ASH1L: variants seen among roughly 807,000 people sequenced by gnomAD.
The protein encoded by ASH1L is ASH1 like histone lysine methyltransferase.
Under a neutral mutation model 269.0 loss-of-function variants are expected in ASH1L, and 23 were observed. That is an observed-to-expected ratio of 0.09 (90% CI 0.06 to 0.12). The LOEUF (loss-of-function observed/expected upper bound fraction) is 0.12. ASH1L is among the 10% of genes least tolerant of loss of function. ASH1L has a pLI of 1.00. For missense variants in ASH1L, 2,912 were observed against 3,567.8 expected, an observed-to-expected ratio of 0.82 and a Z score of 4.68; for synonymous variants, 1,187 against 1,253.5, an observed-to-expected ratio of 0.95 and a Z score of 1.12.
intron 5 of ASH1L, among the ~76,000 whole-genome samples, chr1:155,437,998 G>A (rs1188954408): frequency 3.9e-5 from 6 of 152,054 alleles, no homozygotes; most frequent in African/African-American, 1.2e-4. Context: ...ACAGGAATGC[G>A]CTGCCACATC....
chr1:155,386,359 C>T (rs541561990), intron 7 of ASH1L, among the ~76,000 whole-genome samples: 4 of 151,722 alleles, frequency 2.6e-5, no homozygotes, highest in African/African-American at 4.8e-5. Flanking sequence ...TGAGCCACTG[C>T]GCCTGGCCAA....
chr1:155,359,154 G>A (rs1160708367), intron 13 of ASH1L, among the ~76,000 whole-genome samples: 1 of 152,098 alleles, frequency 6.6e-6, no homozygotes, highest in Non-Finnish European at 1.5e-5. Flanking sequence ...TAGAGAAGGG[G>A]TCCCGTTCTG....
At chr1:155,350,103 C>A (rs981780499) in intron 17 of ASH1L, among the ~76,000 whole-genome samples, 5 of 152,138 alleles carry the variant, frequency 3.3e-5, no homozygotes, top group East Asian at 3.9e-4. Flanking sequence ...GTTAGCCAGG[C>A]TGGTCTCGAT....
chr1:155,476,430 G>A (rs1665556184), intron 3 of ASH1L, among the ~76,000 whole-genome samples: 1 of 151,816 alleles, frequency 6.6e-6, no homozygotes, highest in Non-Finnish European at 1.5e-5. Context: ...TAAAAGCTAA[G>A]GAACACTCAG....
In ASH1L at chr1:155,357,296, T is replaced by C. The variant is rs1654505236; in HGVS notation, c.7055+20A>G. ...TCATGTAACTTACAAAGAACATGGATAAGGATATTTCCTTTTTACCTTTCA... is the reference window on the plus strand; with the variant it reads ...TCATGTAACTTACAAAGAACATGGACAAGGATATTTCCTTTTTACCTTTCA... On this transcript the variant is annotated intron_variant, in intron 15 of 27. Transcript: ENST00000392403. The C allele has an allele frequency of 6.3e-7, 1 of 1,580,576 alleles. No individual in the cohort carries two copies. Among genetic ancestry groups the C allele is most frequent in the East Asian group, 2.2e-5 (1 of 44,720 alleles).
chr1:155,487,358 G>A (rs1467489917), intron 2 of ASH1L, among the ~76,000 whole-genome samples: 1 of 151,952 alleles, frequency 6.6e-6, no homozygotes, highest in Non-Finnish European at 1.5e-5. Context: ...GGTTCTTACT[G>A]GGTGCTAGCA....
At chr1:155,377,043 G>A (rs1045791946) in intron 10 of ASH1L, among the ~76,000 whole-genome samples, 2 of 151,656 alleles carry the variant, frequency 1.3e-5, no homozygotes, top group African/African-American at 4.8e-5. Context: ...ACGTAGCTGG[G>A]ATTATAGGCA....
chr1:155,349,250 G>A (rs1017420254), intron 19 of ASH1L, 77 bp downstream of exon 19: 3 of 1,506,230 alleles, frequency 2.0e-6, no homozygotes, highest in Non-Finnish European at 2.7e-6. Context: ...GATAGAGGAG[G>A]GTAAAAATCT....
At chr1:155,531,435 C>T (rs1412239839) in intron 1 of ASH1L, among the ~76,000 whole-genome samples, 3 of 151,906 alleles carry the variant, frequency 2.0e-5, no homozygotes, top group Non-Finnish European at 4.4e-5. Context: ...CGGCTCACTG[C>T]AACCTCCGCC....
In ASH1L at chr1:155,435,270, A is replaced by T. The variant is rs376149209; in HGVS notation, c.5828+3057T>A. Reference sequence around the variant, plus strand: ...AAAGAAAATTAAACCTCTAACTCATAGCTAATATTCAGTATTACATAAGTG... The same window carrying T: ...AAAGAAAATTAAACCTCTAACTCATTGCTAATATTCAGTATTACATAAGTG... On this transcript the variant is annotated intron_variant, in intron 5 of 27. Transcript: ENST00000392403. Among the ~76,000 whole-genome samples, 18 of 152,344 alleles carry T rather than the reference A, an allele frequency of 1.2e-4. No individual in the cohort carries two copies. In the South Asian group the frequency reaches 2.1e-3, roughly 18 times the overall value.
intron 2 of ASH1L, among the ~76,000 whole-genome samples, chr1:155,510,258 A>G (rs1248352314): frequency 6.6e-6 from 1 of 151,874 alleles, no homozygotes; most frequent in East Asian, 1.9e-4. Flanking sequence ...TACTAAAAAT[A>G]CAAAAATTAC....
Position 155,521,556 on chromosome 1 carries a change from A to C in ASH1L, c.-37T>G. The C allele has an allele frequency of 6.4e-7, 1 of 1,555,080 alleles. No homozygotes were observed. Among genetic ancestry groups the C allele is most frequent in the Non-Finnish European group, 8.7e-7 (1 of 1,152,128 alleles). ...GTTATTGCCAAGGAATCTTATGAAA[A>C]TTTTACAGAACTGTGTTCCATAAAA... On this transcript the variant is annotated 5_prime_UTR_variant, in exon 2 of 28. Coordinates refer to ENST00000392403, the MANE Select transcript of ASH1L (RefSeq NM_018489.3).
intron 2 of ASH1L, among the ~76,000 whole-genome samples, chr1:155,518,777 C>T (rs1313224950): frequency 3.0e-5 from 4 of 133,554 alleles, no homozygotes; most frequent in Non-Finnish European, 6.1e-5. Context: ...GAGGCAGAGA[C>T]AGGGAGCAGG....
At chr1:155,425,327 G>C (rs567533114) in intron 5 of ASH1L, among the ~76,000 whole-genome samples, 5 of 150,258 alleles carry the variant, frequency 3.3e-5, no homozygotes, top group African/African-American at 1.2e-4. Flanking sequence ...GCCCAGGCTG[G>C]AGTGCAGTGG....
In ASH1L at chr1:155,481,226, A is replaced by G. The variant is rs769083883; in HGVS notation, c.1644T>C (p.Ser548=). ...AAGGGAGATTGCTTTCTCCTACTGC[A>G]CTGAATGGGGATTTAGCGGTAGATA... ...SDVSTAKSPF[S]AVGESNLPSP... Residue 548 remains serine, a synonymous_variant, in exon 3 of 28, where the codon AGT becomes AGC. Transcript: ENST00000392403. 1.2e-6 allele frequency: 2 copies of G among 1,614,098 alleles called. No homozygotes were observed. Among genetic ancestry groups the G allele is most frequent in the South Asian group, 2.2e-5 (2 of 91,074 alleles).
At chr1:155,422,951 CTTTT>C (rs71080703) in intron 5 of ASH1L, among the ~76,000 whole-genome samples, 1 of 122,284 alleles carries the variant, frequency 8.2e-6, no homozygotes, top group African/African-American at 3.0e-5. Context: ...GCTGGCCTTT[CTTTT>C]TTTTTTTTTT....
In ASH1L at chr1:155,395,212, C is replaced by T. The variant is rs1206087773; in HGVS notation, c.6103+247G>A. The stretch of plus-strand genomic sequence containing the variant: ...CCTCCCAAAGTGCTAGGATTATAGG[C>T]ATGAGCCACCATGCCTGGCCCAGTG... On this transcript the variant is annotated intron_variant, in intron 7 of 27. Transcript: ENST00000392403. 2.6e-5 allele frequency among the ~76,000 whole-genome samples: 4 copies of T among 152,160 alleles called. No homozygotes were observed. The South Asian group carries it at 8.3e-4, about 31-fold the overall frequency.
rs1414706464 is a variant in ASH1L, at chr1:155,411,582, AATAAATAT to A, written c.6008+4154_6008+4161del. On this transcript the variant is annotated intron_variant, in intron 6 of 27. Coordinates refer to ENST00000392403, the MANE Select transcript of ASH1L (RefSeq NM_018489.3). Reference sequence around the variant, plus strand: ...ATATAAATATGAATATAAATAAATAAATAAATATATATATATATATATATATATATATA... The same window carrying A: ...ATATAAATATGAATATAAATAAATAAATATATATATATATATATATATATA... 1.7e-3 allele frequency among the ~76,000 whole-genome samples: 81 copies of A among 48,406 alleles called. 3 individuals are homozygous for A. In the East Asian group the frequency reaches 0.017, roughly 10 times the overall value. The allele number at this position is 48,406 out of a possible 152,430, so 31.8% of individuals were successfully genotyped here.
Position 155,478,648 on chromosome 1 carries a change from G to A in ASH1L, c.4222C>T (p.Leu1408Phe). The A allele has an allele frequency of 1.2e-6, 2 of 1,614,048 alleles. No homozygotes were observed. Among genetic ancestry groups the A allele is most frequent in the Non-Finnish European group, 1.7e-6 (2 of 1,180,022 alleles). ...GAAGGAGATGGAGGAGGTGGATAAA[G>A]AGTGGGAGGATACCTTCCATAGTAA... ...LGYYGRYPPT[L>F]YPPPPSPSFT... Residue 1408 changes from leucine (L) to phenylalanine (F), a missense_variant, in exon 3 of 28, where the codon CTT becomes TTT. By Grantham distance (22) the Leu-to-Phe change is conservative (BLOSUM62 0). This residue lies in a region of ASH1L where 789 missense variants were observed against 897.6 expected (regional missense o/e 0.88). Transcript: ENST00000392403. This position sits in a 1 kb window ranked among gnomAD's most constrained non-coding sequence, Gnocchi z 4.6.
Sources: gnomAD v4.1 joint callset for allele counts (sites outside exome capture counted in the v4.1 genomes callset) on GRCh38, gnomAD v4.1.1 for gene constraint, gnomAD v4.1.1 regional missense constraint, Gnocchi (gnomAD v3.1) non-coding constraint, MANE v1.5 for transcripts, NCBI Gene and HGNC (gene_info 2026-07-23, HGNC 2026-07-21) for gene names.